Variants in THSD7B observed in about 807,000 individuals in gnomAD.
THSD7B encodes the protein thrombospondin type-1 domain-containing protein 7B.
In THSD7B, 138 loss-of-function variants were observed where a neutral mutation model predicts 213.6. The ratio of observed to expected loss-of-function variants is 0.65; its 90% confidence interval spans 0.56 to 0.74. The LOEUF is 0.74. Among genes scored for constraint, THSD7B ranks in the 30% least tolerant of loss-of-function variants. THSD7B has a pLI of 0.00. For synonymous variants in THSD7B, 742 were observed against 687.0 expected (o/e 1.08, Z -1.25); for missense variants, 1,931 against 1,991.5 (o/e 0.97, Z 0.58).
At chr2:137,517,754 G>A (rs1680098662) in intron 15 of THSD7B, among the ~76,000 whole-genome samples, 1 of 152,192 alleles carries the variant, frequency 6.6e-6, no homozygotes, top group Non-Finnish European at 1.5e-5. Flanking sequence ...GGCAGATAGG[G>A]ATGCTGTTTG....
intron 1 of THSD7B, among the ~76,000 whole-genome samples, chr2:136,804,236 A>C (rs917627004): frequency 6.6e-6 from 1 of 152,128 alleles, no homozygotes; most frequent in Non-Finnish European, 1.5e-5. Flanking sequence ...TTACCTTTCT[A>C]TGTTCAGCTT....
chr2:137,522,528 CTT>C (rs376162135), intron 15 of THSD7B, among the ~76,000 whole-genome samples: 3 of 145,822 alleles, frequency 2.1e-5, no homozygotes, highest in African/African-American at 5.0e-5. Flanking sequence ...TTCAGAGTCA[CTT>C]TTTTTTTTTT....
intron 9 of THSD7B, among the ~76,000 whole-genome samples, chr2:137,238,564 T>G (rs58794825): frequency 1.2e-5 from 1 of 83,422 alleles, no homozygotes; most frequent in East Asian, 3.4e-4. Context: ...TTTTTTTTTT[T>G]GAGACGGAGT....
chr2:137,457,070 T>C (rs751544879), intron 15 of THSD7B, among the ~76,000 whole-genome samples: 1 of 152,072 alleles, frequency 6.6e-6, no homozygotes, highest in Non-Finnish European at 1.5e-5. Flanking sequence ...CCAAGAAAAA[T>C]TGTTTTTTTC....
At chr2:137,342,993 C>G (rs978577186) in intron 12 of THSD7B, among the ~76,000 whole-genome samples, 4 of 150,362 alleles carry the variant, frequency 2.7e-5, no homozygotes, top group African/African-American at 9.7e-5. Flanking sequence ...TGTAATTTTA[C>G]TTTCTTCTAA....
rs397968200 is a variant in THSD7B at position 136,833,386 on chromosome 2, A to AAAG, written c.-35-48758_-35-48757insAAG. Among the ~76,000 whole-genome samples the AAAG allele has an allele frequency of 1.0e-3, 130 of 128,482 alleles. 2 individuals carry two copies. Among genetic ancestry groups the AAAG allele is most frequent in the African/African-American group, 4.1e-3 (127 of 30,698 alleles). The allele number at this position is 128,482 out of a possible 152,430, so 84.3% of individuals were successfully genotyped here. ...CTCAAAAAAAAAAAAAAAAAAAAAA[A>AAAG]GAGAGAGAGAGAGGGCAATTATATG... On this transcript the variant is annotated intron_variant, in intron 1 of 27. Transcript: ENST00000409968.
intron 5 of THSD7B, among the ~76,000 whole-genome samples, chr2:137,150,341 C>A (rs556269996): frequency 6.6e-6 from 1 of 152,162 alleles, no homozygotes; most frequent in African/African-American, 2.4e-5. Context: ...GTATTCCCAC[C>A]CAAATCTTAT....
chr2:136,795,047 T>C (rs553063224), intron 1 of THSD7B, among the ~76,000 whole-genome samples: 1 of 152,100 alleles, frequency 6.6e-6, no homozygotes, highest in Admixed American at 6.6e-5. Context: ...TCTATATACT[T>C]ATATTTAAGA....
Position 137,272,624 on chromosome 2 carries a change from G to C in THSD7B, c.2358G>C (p.Glu786Asp). The C allele has an allele frequency of 3.7e-6, 6 of 1,612,192 alleles. No homozygotes were observed. Among genetic ancestry groups the C allele is most frequent in the Non-Finnish European group, 5.1e-6 (6 of 1,178,950 alleles). ...GQECPDTLYEERECEDVSLCP... is the reference protein window; with the variant it reads ...GQECPDTLYEDRECEDVSLCP... The stretch of plus-strand genomic sequence containing the variant: ...AATGCCCAGATACCTTATATGAGGA[G>C]AGAGAGTGTGAAGATGTTTCCTTGT... The change falls in exon 11 of 28, where the codon GAG (glutamate) becomes GAC (aspartate). Residue 786 changes from glutamate to aspartate, a missense_variant. Transcript: ENST00000409968.
At chr2:136,933,320 A>G (rs996215369) in intron 2 of THSD7B, among the ~76,000 whole-genome samples, 1 of 152,100 alleles carries the variant, frequency 6.6e-6, no homozygotes, top group Admixed American at 6.6e-5. Context: ...CACACCTGTA[A>G]TCCTAGCGCT....
At position 137,412,293 on chromosome 2, in the gene THSD7B, T is replaced by G. The variant is rs538493160; in HGVS notation, c.2959+421T>G. ...GAAAAAAAAAAATCAATGAAAAAGT[T>G]GATTTTAAAAGTTTTACCGTATAAA... On this transcript the variant is annotated intron_variant, in intron 14 of 27. Coordinates refer to ENST00000409968, the MANE Select transcript of THSD7B (RefSeq NM_001316349.2). 6.0e-5 allele frequency among the ~76,000 whole-genome samples: 9 copies of G among 151,010 alleles called. No homozygotes were observed. The South Asian group carries it at 1.7e-3, about 28-fold the overall frequency.
chr2:137,560,481 A>G (rs1183929586), intron 15 of THSD7B, among the ~76,000 whole-genome samples: 1 of 152,052 alleles, frequency 6.6e-6, no homozygotes, highest in Non-Finnish European at 1.5e-5. Flanking sequence ...CAAACACCAC[A>G]TGTTCTCACT....
chr2:136,796,832 T>G (rs1003892036), intron 1 of THSD7B, among the ~76,000 whole-genome samples: 4 of 151,932 alleles, frequency 2.6e-5, no homozygotes, highest in African/African-American at 9.7e-5. Context: ...AAGACTTGTG[T>G]TTTTTAATAG....
intron 1 of THSD7B, among the ~76,000 whole-genome samples, chr2:136,880,999 T>C (rs1683612565): frequency 6.6e-6 from 1 of 152,150 alleles, no homozygotes; most frequent in Non-Finnish European, 1.5e-5. Flanking sequence ...CATTCCTCCC[T>C]CTTGTTTGTG....
chr2:137,014,868 T>C (rs1211932649), intron 2 of THSD7B, among the ~76,000 whole-genome samples: 1 of 152,108 alleles, frequency 6.6e-6, no homozygotes, highest in Admixed American at 6.6e-5. Flanking sequence ...CTGTCTCTTC[T>C]AGTCTCCGGA....
At chr2:137,336,708 C>T (rs1319170202) in intron 12 of THSD7B, among the ~76,000 whole-genome samples, 1 of 152,064 alleles carries the variant, frequency 6.6e-6, no homozygotes, top group Non-Finnish European at 1.5e-5. Context: ...AAGAGAATAC[C>T]ACAAACAGTG....
chr2:136,898,689 C>T (rs530263144), intron 2 of THSD7B, among the ~76,000 whole-genome samples: 32 of 147,712 alleles, frequency 2.2e-4, no homozygotes, highest in South Asian at 1.9e-3. Context: ...CATCACCAGG[C>T]TGGAGTGCAG....
At chr2:137,279,405 T>C (rs1682946894) in intron 12 of THSD7B, among the ~76,000 whole-genome samples, 1 of 151,808 alleles carries the variant, frequency 6.6e-6, no homozygotes, top group Non-Finnish European at 1.5e-5. Flanking sequence ...GAGCCAGACA[T>C]GGTAATGCAT....
intron 2 of THSD7B, among the ~76,000 whole-genome samples, chr2:137,006,592 C>T (rs1373986322): frequency 6.6e-6 from 1 of 152,106 alleles, no homozygotes. Context: ...ACTCCATTAT[C>T]AATGCAGAGA....
Sources: allele counts gnomAD v4.1 joint callset (sites outside exome capture counted in the v4.1 genomes callset), GRCh38; gene constraint gnomAD v4.1.1; transcripts MANE v1.5; gene names NCBI Gene and HGNC (gene_info 2026-07-23, HGNC 2026-07-21).